Variants in S100A8 observed in about 807,000 individuals in gnomAD.
S100A8 encodes the protein protein S100-A8.
Under a neutral mutation model 4.2 loss-of-function variants are expected in S100A8, and 1 was observed. The observed-to-expected ratio is 0.24, with a 90% CI of 0.08 to 1.12. The LOEUF is 1.12. Ranked by LOEUF, S100A8 falls within the 50% of genes most tolerant of loss-of-function variation. The pLI, the probability that S100A8 is intolerant of heterozygous loss-of-function variation, is 0.53. For missense variants in S100A8, 96 were observed against 111.8 expected, an observed-to-expected ratio of 0.86 and a Z score of 0.64; for synonymous variants, 41 against 44.7, an observed-to-expected ratio of 0.92 and a Z score of 0.33.
At chr1:153,407,566 G>T in the S100A8 span, among the ~76,000 whole-genome samples, 2 of 152,210 alleles carry the variant, frequency 1.3e-5, no homozygotes, top group Non-Finnish European at 2.9e-5. Flanking sequence ...ACAAAAGGCA[G>T]CAGAAACTTC....
the S100A8 span, among the ~76,000 whole-genome samples, chr1:153,397,798 C>T: frequency 1.3e-5 from 2 of 152,176 alleles, no homozygotes. Flanking sequence ...GAGCTGGAGG[C>T]TTCCTGCCCG....
chr1:153,412,920 T>A, the S100A8 span, among the ~76,000 whole-genome samples: 1 of 151,954 alleles, frequency 6.6e-6, no homozygotes, highest in Non-Finnish European at 1.5e-5. Context: ...CACTCATAGG[T>A]GGGAATTGAA....
At chr1:153,419,470 G>C in the S100A8 span, 8 of 786,752 alleles carry the variant, frequency 1.0e-5, no homozygotes, top group African/African-American at 1.2e-4. Flanking sequence ...CCATCCAGTG[G>C]GTCACCCAGG....
chr1:153,395,902 C>T (rs1327011102), upstream of S100A8, among the ~76,000 whole-genome samples: 4 of 152,372 alleles, frequency 2.6e-5, no homozygotes, highest in South Asian at 2.1e-4. Flanking sequence ...CAGGCTCAGC[C>T]CCACCCTTGT....
chr1:153,391,105 G>A (rs576997280), upstream of S100A8: 47 of 985,722 alleles, frequency 4.8e-5, no homozygotes, highest in East Asian at 3.4e-4. Context: ...TTTTTATAGC[G>A]GTTAGGCTTG....
chr1:153,397,362 TG>T, the S100A8 span, among the ~76,000 whole-genome samples: 6 of 152,196 alleles, frequency 3.9e-5, no homozygotes, highest in Non-Finnish European at 7.4e-5. Context: ...TCTGAACCCC[TG>T]GGTGCTGGGC....
At chr1:153,419,323 A>G in the S100A8 span, 31 of 1,610,010 alleles carry the variant, frequency 1.9e-5, no homozygotes, top group African/African-American at 2.7e-5. Context: ...AGCCCCACCA[A>G]GGGGCCTCCA....
the S100A8 span, among the ~76,000 whole-genome samples, chr1:153,412,499 G>T: frequency 1.3e-5 from 2 of 152,228 alleles, no homozygotes; most frequent in South Asian, 4.1e-4. Context: ...TGGGGAGGAT[G>T]TGGAGAAATA....
the S100A8 span, among the ~76,000 whole-genome samples, chr1:153,404,702 G>A: frequency 6.6e-6 from 1 of 152,172 alleles, no homozygotes; most frequent in East Asian, 1.9e-4. Context: ...ACTATTTTAT[G>A]CAGTGTCCTC....
chr1:153,407,342 T>C, the S100A8 span, among the ~76,000 whole-genome samples: 2 of 152,180 alleles, frequency 1.3e-5, no homozygotes, highest in Non-Finnish European at 2.9e-5. Context: ...GCTCGGACAG[T>C]CCCACACTCA....
the S100A8 span, among the ~76,000 whole-genome samples, chr1:153,403,571 C>A: frequency 2.0e-5 from 3 of 152,134 alleles, no homozygotes; most frequent in African/African-American, 7.2e-5. Context: ...TTAACCCCCT[C>A]CCCACCCCCA....
chr1:153,418,824 C>T, the S100A8 span, among the ~76,000 whole-genome samples: 5 of 152,166 alleles, frequency 3.3e-5, no homozygotes, highest in African/African-American at 1.2e-4. Flanking sequence ...CTAAGGTAGG[C>T]AGTGCCCTTA....
chr1:153,405,092 C>G, the S100A8 span, among the ~76,000 whole-genome samples: 1 of 151,906 alleles, frequency 6.6e-6, no homozygotes, highest in African/African-American at 2.4e-5. Flanking sequence ...GTCCCCCCCA[C>G]CCCGCACTGC....
At chr1:153,412,872 A>G in the S100A8 span, among the ~76,000 whole-genome samples, 2 of 152,342 alleles carry the variant, frequency 1.3e-5, no homozygotes, top group East Asian at 1.9e-4. Context: ...TTCTCAGCAG[A>G]CTATCGCAAG....
At position 153,391,014 on chromosome 1, in the gene S100A8, G is replaced by A. The variant is rs192815783; in HGVS notation, c.-23+27C>T. The A allele has an allele frequency of 3.8e-4, 372 of 989,486 alleles. 1 individual carries two copies. In the African/African-American group the frequency reaches 4.8e-3, roughly 13 times the overall value. The allele number at this position is 989,486 out of a possible 1,614,324, so 61.3% of individuals were successfully genotyped here. A position where few individuals can be genotyped will look rare whatever the true frequency, so the allele number is the denominator to read the frequency against. On this transcript the variant is annotated intron_variant, in intron 1 of 2. Transcript: ENST00000368733. ...CCTCCCCAAGAGAAGCCCAAAGTGC[G>A]GGGCCAACCCAGACAGTCCCACTTA...
the S100A8 span, among the ~76,000 whole-genome samples, chr1:153,408,416 A>T: frequency 1.3e-5 from 2 of 152,154 alleles, no homozygotes; most frequent in African/African-American, 4.8e-5. Flanking sequence ...GTGAGAAGAG[A>T]AGTTTAGAGA....
the S100A8 span, chr1:153,417,872 G>A: frequency 1.6e-6 from 1 of 617,266 alleles, no homozygotes; most frequent in Non-Finnish European, 2.7e-6. Flanking sequence ...CCCTGGCCAG[G>A]ATGGGCCGGG....
At chr1:153,414,171 T>C in the S100A8 span, among the ~76,000 whole-genome samples, 1 of 152,198 alleles carries the variant, frequency 6.6e-6, no homozygotes, top group Non-Finnish European at 1.5e-5. Context: ...GATGGTAGCA[T>C]AAGAGGAAAT....
the S100A8 span, chr1:153,421,964 C>T: frequency 6.6e-6 from 1 of 152,236 alleles, no homozygotes; most frequent in Non-Finnish European, 1.5e-5. Flanking sequence ...TTCACACTCT[C>T]CATGCTTATG....
Sources: allele counts gnomAD v4.1 joint callset (sites outside exome capture counted in the v4.1 genomes callset), GRCh38; gene constraint gnomAD v4.1.1; transcripts MANE v1.5; gene names NCBI Gene and HGNC (gene_info 2026-07-23, HGNC 2026-07-21).